Variants in FGF13 observed in about 807,000 individuals in gnomAD.
FGF13 encodes fibroblast growth factor 13.
A neutral mutation model predicts 19.5 loss-of-function variants in FGF13; 2 were observed. The ratio of observed to expected loss-of-function variants is 0.10; its 90% CI spans 0.04 to 0.32. The LOEUF (loss-of-function observed/expected upper bound fraction) is 0.32. FGF13 is among the 10% of genes least tolerant of loss of function. The probability of loss-of-function intolerance (pLI) is 1.00; values close to 1 mark genes in which losing one functional copy is unlikely to be tolerated. For synonymous variants in FGF13, 72 were observed against 76.9 expected, an observed-to-expected ratio of 0.94 and a Z score of 0.33; for missense variants, 113 against 192.7, an observed-to-expected ratio of 0.59 and a Z score of 2.45.
intron 2 of FGF13, among the ~76,000 whole-genome samples, chrX:138,705,837 C>T (rs908283151): frequency 1.1e-4 from 12 of 112,499 alleles, no homozygotes; most frequent in African/African-American, 3.9e-4. Flanking sequence ...ATACTATAAA[C>T]ATGAGAAGAA....
chrX:138,984,970 TG>T (rs2091988916), intron 1 of FGF13: 1 of 333,446 alleles, frequency 3.0e-6, no homozygotes, highest in Admixed American at 3.2e-5. Flanking sequence ...AAAGGCAGTT[TG>T]GGGGAATATT....
intron 3 of FGF13, among the ~76,000 whole-genome samples, chrX:138,839,798 C>T (rs2091136972): frequency 9.0e-6 from 1 of 111,376 alleles, no homozygotes; most frequent in Non-Finnish European, 1.9e-5. Flanking sequence ...AGGTAACACC[C>T]CAGATGTAAA....
At chrX:139,112,971 A>AGTGTGTGTGTGTGT (rs748975156) in intron 1 of FGF13, among the ~76,000 whole-genome samples, 3 of 87,756 alleles carry the variant, frequency 3.4e-5, no homozygotes, top group Non-Finnish European at 6.8e-5. Flanking sequence ...TTGATTATGT[A>AGTGTGTGTGTGTGT]GTGTGTGTGT....
chrX:138,878,461 C>T (rs756477748), intron 1 of FGF13, among the ~76,000 whole-genome samples: 10,012 of 107,072 alleles, frequency 0.094, 1,376 homozygotes, highest in African/African-American at 0.33. Flanking sequence ...TTCATCCCTG[C>T]CCCTACAAAG....
At chrX:138,964,902 T>C (rs1294704549) in intron 1 of FGF13, among the ~76,000 whole-genome samples, 1 of 111,527 alleles carries the variant, frequency 9.0e-6, no homozygotes, top group African/African-American at 3.3e-5. Flanking sequence ...AGGCCTCGCC[T>C]CCAACACTGA....
intron 3 of FGF13, among the ~76,000 whole-genome samples, chrX:138,679,059 C>T (rs936247634): frequency 1.8e-5 from 2 of 111,339 alleles, no homozygotes; most frequent in Admixed American, 9.6e-5. Context: ...TCACATAACC[C>T]CATGAATAGA....
At chrX:139,163,656 T>C (rs140824411) in intron 1 of FGF13, among the ~76,000 whole-genome samples, 309 of 111,355 alleles carry the variant, frequency 2.8e-3, no homozygotes, top group Non-Finnish European at 4.8e-3. Flanking sequence ...AGGTCTACTT[T>C]TACTCCTTTC....
At chrX:139,198,696 C>T (rs191751236) in intron 1 of FGF13, among the ~76,000 whole-genome samples, 1 of 111,177 alleles carries the variant, frequency 9.0e-6, no homozygotes, top group African/African-American at 3.3e-5. Context: ...CCCTAAGAAT[C>T]AAGAATTTAT....
At chrX:138,954,089 A>T (rs2091828876) in intron 1 of FGF13, among the ~76,000 whole-genome samples, 1 of 72,696 alleles carries the variant, frequency 1.4e-5, no homozygotes, top group African/African-American at 5.0e-5. Context: ...TAGTATGTAA[A>T]TTTAACGAGA....
At chrX:138,985,133 C>T (rs2091990159) in intron 1 of FGF13, 1 of 341,344 alleles carries the variant, frequency 2.9e-6, no homozygotes, top group South Asian at 2.7e-5. Flanking sequence ...CTCCATTAGG[C>T]CTATGTGGAA....
chrX:138,634,726 T>G (rs955022605), intron 4 of FGF13, among the ~76,000 whole-genome samples: 12 of 112,225 alleles, frequency 1.1e-4, no homozygotes, highest in Admixed American at 7.6e-4. Flanking sequence ...CAAGAATGGC[T>G]ATAATTAAAA....
chrX:138,662,791 A>G (rs2089501830), intron 3 of FGF13, among the ~76,000 whole-genome samples: 1 of 111,597 alleles, frequency 9.0e-6, no homozygotes, highest in Admixed American at 9.5e-5. Context: ...GCTAGCTCCC[A>G]TTCTCTCGAG....
chrX:138,940,203 C>A (rs751333349), intron 1 of FGF13, among the ~76,000 whole-genome samples: 104 of 111,637 alleles, frequency 9.3e-4, no homozygotes, highest in African/African-American at 3.3e-3. Context: ...TCCTTATTGG[C>A]CACATTTATG....
chrX:138,722,151 G>T (rs2090151774), intron 1 of FGF13, among the ~76,000 whole-genome samples: 1 of 111,633 alleles, frequency 9.0e-6, no homozygotes, highest in Non-Finnish European at 1.9e-5. Context: ...GAGGAGGCCA[G>T]CAGGGTTTCC....
chrX:139,128,247 T>C (rs1167701893), intron 1 of FGF13, among the ~76,000 whole-genome samples: 1 of 110,991 alleles, frequency 9.0e-6, no homozygotes, highest in Non-Finnish European at 1.9e-5. Flanking sequence ...TCTTGTTTTG[T>C]TTCTGTGTCC....
intron 1 of FGF13, among the ~76,000 whole-genome samples, chrX:139,074,716 T>C (rs1227911890): frequency 8.9e-6 from 1 of 112,331 alleles, no homozygotes; most frequent in Non-Finnish European, 1.9e-5. Context: ...CATGGACAGG[T>C]AGACCTGGAA....
At position 138,680,385 on chromosome X, in the gene FGF13, G is replaced by C. The variant is rs188163613; in HGVS notation, c.402+22599C>G. On this transcript the variant is annotated intron_variant, in intron 3 of 4. Transcript: ENST00000315930. ...ATCAGAAGAATCACTATCTATGGCA[G>C]CTATGGCCTTATGAAAAGTATTTCT... Among the ~76,000 whole-genome samples, 741 of 112,000 alleles carry C rather than the reference G, an allele frequency of 6.6e-3. 9 individuals carry two copies. Among genetic ancestry groups the C allele is most frequent in the African/African-American group, 0.023 (706 of 30,828 alleles).
chrX:139,034,716 ACTC>A (rs2092244919), intron 1 of FGF13, among the ~76,000 whole-genome samples: 2 of 110,977 alleles, frequency 1.8e-5, no homozygotes, highest in African/African-American at 6.5e-5. Context: ...TGATTTTTCT[ACTC>A]CTATTTATTT....
At chrX:138,860,873 C>A (rs1250755986) in intron 2 of FGF13, among the ~76,000 whole-genome samples, 1 of 112,010 alleles carries the variant, frequency 8.9e-6, no homozygotes, top group Non-Finnish European at 1.9e-5. Context: ...TGCCCCCAGC[C>A]TCGAAAACAC....
Sources: allele counts gnomAD v4.1 joint callset (sites outside exome capture counted in the v4.1 genomes callset), GRCh38; gene constraint gnomAD v4.1.1; transcripts MANE v1.5; gene names NCBI Gene and HGNC (gene_info 2026-07-23, HGNC 2026-07-21).